Variants in GOLGA4 observed in about 807,000 individuals in gnomAD.
GOLGA4 encodes the protein golgin subfamily A member 4.
In GOLGA4, 169 loss-of-function variants were observed where a neutral mutation model predicts 265.9. The observed-to-expected ratio is 0.64, with a 90% CI of 0.56 to 0.72. The LOEUF (loss-of-function observed/expected upper bound fraction) is 0.72, where lower values mean the gene tolerates loss of function less well. GOLGA4 is among the 30% of genes least tolerant of loss of function. The pLI is 0.00. For synonymous variants in GOLGA4, 923 were observed against 855.8 expected (o/e 1.08, Z -1.37); for missense variants, 2,482 against 2,483.4 (o/e 1.00, Z 0.01).
At chr3:37,283,679 C>G (rs2096840745) in intron 3 of GOLGA4, among the ~76,000 whole-genome samples, 1 of 152,046 alleles carries the variant, frequency 6.6e-6, no homozygotes, top group South Asian at 2.1e-4. Context: ...GCGCACACCA[C>G]CACACCCATC....
intron 2 of GOLGA4, among the ~76,000 whole-genome samples, chr3:37,256,749 T>C (rs549676577): frequency 6.6e-6 from 1 of 152,242 alleles, no homozygotes; most frequent in East Asian, 1.9e-4. Flanking sequence ...TAGAGCAACA[T>C]GTGATGTAGG....
chr3:37,315,393 A>G (rs769623796), intron 10 of GOLGA4, 27 bp from the exon 11 acceptor site: 4 of 1,580,506 alleles, frequency 2.5e-6, no homozygotes, highest in Non-Finnish European at 2.6e-6. Context: ...TTCTTGAGAT[A>G]CTTGTTTTCT....
chr3:37,245,514 T>A (rs1361618069), intron 1 of GOLGA4: 3 of 152,238 alleles, frequency 2.0e-5, no homozygotes, highest in Non-Finnish European at 4.4e-5. Flanking sequence ...GAATATACTT[T>A]AAGGTGCTGG....
At chr3:37,271,102 T>G (rs191979680) in intron 2 of GOLGA4, among the ~76,000 whole-genome samples, 19 of 152,148 alleles carry the variant, frequency 1.2e-4, no homozygotes, top group Middle Eastern at 3.4e-3. Flanking sequence ...TAGACAGAGC[T>G]CAGGTGGTAA....
chr3:37,302,301 A>T lies in GOLGA4; in HGVS notation c.1203A>T (p.Leu401Phe). The change falls in exon 10 of 24, where the codon TTA becomes TTT. Residue 401 changes from leucine (L) to phenylalanine (F), a missense_variant. Leu to Phe is a conservative substitution (Grantham distance 22). Coordinates refer to ENST00000361924, the MANE Select transcript of GOLGA4 (RefSeq NM_002078.5). ...IKQMTTQGEE[L>F]REQKEKSERA... ...AGATGACTACCCAGGGAGAGGAATT[A>T]CGGGAACAGAAAGAAAAGTCCGAAA... is the stretch of plus-strand genomic sequence containing the variant. 1 of 1,613,816 alleles carries T rather than the reference A, an allele frequency of 6.2e-7. No individual in the cohort carries two copies. The highest frequency in any genetic ancestry group is 8.5e-7 in the Non-Finnish European group (1 of 1,179,732).
chr3:37,274,828 G>A (rs1295950252), intron 2 of GOLGA4, among the ~76,000 whole-genome samples: 1 of 152,060 alleles, frequency 6.6e-6, no homozygotes, highest in Non-Finnish European at 1.5e-5. Flanking sequence ...CTAATTCTGT[G>A]AACCCAGGGC....
chr3:37,315,322 G>A, intron 10 of GOLGA4, 98 bp from the exon 11 acceptor site: 7 of 957,612 alleles, frequency 7.3e-6, no homozygotes, highest in Non-Finnish European at 7.8e-6. Context: ...AACCTATCCT[G>A]CTACTGCTGC....
intron 5 of GOLGA4, among the ~76,000 whole-genome samples, chr3:37,292,531 CA>C (rs1274966270): frequency 6.6e-6 from 1 of 152,034 alleles, no homozygotes; most frequent in Non-Finnish European, 1.5e-5. Flanking sequence ...AGTAAAAATA[CA>C]AAAATTAGCT....
At chr3:37,310,681 T>TA (rs1475689627) in intron 10 of GOLGA4, among the ~76,000 whole-genome samples, 1 of 152,122 alleles carries the variant, frequency 6.6e-6, no homozygotes, top group Non-Finnish European at 1.5e-5. Flanking sequence ...GGATCATACT[T>TA]ACAGTTCATT....
chr3:37,306,025 T>G (rs528191021), intron 10 of GOLGA4, among the ~76,000 whole-genome samples: 1 of 152,296 alleles, frequency 6.6e-6, no homozygotes, highest in East Asian at 1.9e-4. Flanking sequence ...AACAGAATGA[T>G]TGTTTATTTT....
In GOLGA4 at chr3:37,361,267, T is replaced by G; in HGVS notation, c.6688T>G (p.Phe2230Val). The G allele has an allele frequency of 6.2e-7, 1 of 1,613,220 alleles. No homozygotes were observed. The highest frequency in any genetic ancestry group is 8.5e-7 in the Non-Finnish European group (1 of 1,179,258). The change falls in exon 23 of 24, where the codon TTC becomes GTC. Residue 2230 changes from phenylalanine (F) to valine (V), a missense_variant. Transcript: ENST00000361924. Reference sequence around the variant, plus strand: ...GTTTACTTCACCTCGCAGTGGTATCTTCTGAGTAAACCATCAGTCTGTGCT... The same window carrying G: ...GTTTACTTCACCTCGCAGTGGTATCGTCTGAGTAAACCATCAGTCTGTGCT... ...LMFTSPRSGIF is the reference protein window; with the variant it reads ...LMFTSPRSGIV
intron 1 of GOLGA4, among the ~76,000 whole-genome samples, chr3:37,246,706 A>G (rs1184378405): frequency 2.0e-5 from 3 of 152,220 alleles, no homozygotes; most frequent in African/African-American, 7.2e-5. Flanking sequence ...ATTCCACAAC[A>G]GTGTGAATGT....
chr3:37,252,716 T>C (rs2096737398), intron 2 of GOLGA4, among the ~76,000 whole-genome samples: 4 of 152,218 alleles, frequency 2.6e-5, no homozygotes, highest in Admixed American at 2.6e-4. Flanking sequence ...TAATTTACAT[T>C]CTCTGATAAC....
At chr3:37,343,695 T>C (rs2097046715) in intron 20 of GOLGA4, among the ~76,000 whole-genome samples, 1 of 152,246 alleles carries the variant, frequency 6.6e-6, no homozygotes, top group African/African-American at 2.4e-5. Flanking sequence ...ATTTTCTGGA[T>C]TCTGTCTCCC....
Position 37,326,714 on chromosome 3 carries a change from CAT to C in GOLGA4, c.4829_4830del (p.His1610ArgfsTer18). The C allele has an allele frequency of 4.3e-6, 7 of 1,613,334 alleles. No homozygotes were observed. The highest frequency in any genetic ancestry group is 5.9e-6 in the Non-Finnish European group (7 of 1,179,608). Reference protein sequence around the residue: ...ELETKKKELEHVNLSVKSKEE... With the variant: ...ELETKKKELEXVNLSVKSKEE... ...TGAAACTAAGAAGAAAGAATTAGAACATGTGAATTTAAGTGTGAAAAGCAAAG... is the reference window on the plus strand; with the variant it reads ...TGAAACTAAGAAGAAAGAATTAGAACGTGAATTTAAGTGTGAAAAGCAAAG... On this transcript the variant is annotated frameshift_variant, in exon 14 of 24. Transcript: ENST00000361924. LOFTEE classifies it high-confidence loss of function.
Position 37,328,963 on chromosome 3 carries a change from A to G in GOLGA4, c.6062A>G (p.Asn2021Ser). The G allele has an allele frequency of 6.3e-7, 1 of 1,581,322 alleles. No homozygotes were observed. The highest frequency in any genetic ancestry group is 1.2e-5 in the South Asian group (1 of 84,866). Residue 2021 changes from asparagine (N) to serine (S), a missense_variant and splice_region_variant, in exon 16 of 24, where the codon AAT becomes AGT. Coordinates refer to ENST00000361924, the MANE Select transcript of GOLGA4 (RefSeq NM_002078.5). ...ELEMTIKETI[N>S]KAQEVEAELL... ...GTGTGTGTTCATTTTTATTTATTAG[A>G]TAAGGCCCAGGAGGTGGAGGCTGAA... is the stretch of plus-strand genomic sequence containing the variant.
At chr3:37,361,369 C>A (rs1696258176) in intron 23 of GOLGA4, 64 bp downstream of exon 23, 9 of 1,089,282 alleles carry the variant, frequency 8.3e-6, no homozygotes, top group Non-Finnish European at 1.1e-5. Context: ...TGATACTAAC[C>A]ATTTTGCTGG....
At chr3:37,332,804 A>G (rs1458642096) in intron 16 of GOLGA4, among the ~76,000 whole-genome samples, 2 of 152,002 alleles carry the variant, frequency 1.3e-5, no homozygotes. Context: ...CCTACTCAAA[A>G]GGTAGCTTTT....
chr3:37,311,423 T>C (rs1172701193), intron 10 of GOLGA4, among the ~76,000 whole-genome samples: 1 of 152,168 alleles, frequency 6.6e-6, no homozygotes, highest in Non-Finnish European at 1.5e-5. Context: ...TAGTAATTGA[T>C]TGGCTCAGAA....
Sources: gnomAD v4.1 joint callset for allele counts (sites outside exome capture counted in the v4.1 genomes callset) on GRCh38, gnomAD v4.1.1 for gene constraint, MANE v1.5 for transcripts, NCBI Gene and HGNC (gene_info 2026-07-23, HGNC 2026-07-21) for gene names.